The following SRGAP3 variants were observed in gnomAD, a reference collection of about 807,000 sequenced individuals.
SRGAP3 encodes SLIT-ROBO Rho GTPase activating protein 3.
In SRGAP3, 39 loss-of-function variants were observed where a neutral mutation model predicts 121.1. The ratio of observed to expected loss-of-function variants is 0.32; its 90% CI spans 0.25 to 0.42. The LOEUF (loss-of-function observed/expected upper bound fraction) is 0.42. Among genes scored for constraint, SRGAP3 ranks in the 10% least tolerant of loss-of-function variants. The probability of loss-of-function intolerance (pLI) is 1.00; values close to 1 mark genes in which losing one functional copy is unlikely to be tolerated. For missense variants in SRGAP3, 1,213 were observed against 1,470.6 expected (o/e 0.82, Z 2.86); for synonymous variants, 601 against 570.0 (o/e 1.05, Z -0.77).
At chr3:9,350,278 C>A (rs966741775) in intron 1 of SRGAP3, among the ~76,000 whole-genome samples, 2 of 152,122 alleles carry the variant, frequency 1.3e-5, no homozygotes, top group African/African-American at 4.8e-5. Context: ...GAGAACAAAA[C>A]AGATGAAAAT....
intron 1 of SRGAP3, among the ~76,000 whole-genome samples, chr3:9,135,815 C>G (rs969981694): frequency 2.6e-5 from 4 of 152,224 alleles, no homozygotes; most frequent in Non-Finnish European, 4.4e-5. Context: ...GACAGTCAGC[C>G]TAGGCTCCAA....
rs2648541 is a variant in SRGAP3, at chr3:9,355,013, A to G, written n.214+7827T>C. ...AAACGAACATACCATTTTTCTTTGT[A>G]ATAAACCAGAACCATAAAGAGCATA... On this transcript the variant is annotated intron_variant and non_coding_transcript_variant, in intron 1 of 3. Coordinates refer to the SRGAP3 transcript ENST00000490889. 7.7e-3 allele frequency among the ~76,000 whole-genome samples: 1,179 copies of G among 152,284 alleles called. 10 individuals are homozygous for G. The highest frequency in any genetic ancestry group is 0.014 in the Non-Finnish European group (939 of 68,022).
intron 1 of SRGAP3, among the ~76,000 whole-genome samples, chr3:9,209,297 T>G (rs143732129): frequency 1.5e-3 from 222 of 152,246 alleles, no homozygotes; most frequent in African/African-American, 5.0e-3. Flanking sequence ...AATAAAAAAA[T>G]TCACAGTACA....
intron 3 of SRGAP3, among the ~76,000 whole-genome samples, chr3:9,274,232 A>C (rs1205129198): frequency 6.6e-6 from 1 of 152,238 alleles, no homozygotes; most frequent in Non-Finnish European, 1.5e-5. Context: ...TAAGTATTTC[A>C]AGGTGTCCTC....
At chr3:9,161,062 A>G (rs1950583827) in intron 1 of SRGAP3, among the ~76,000 whole-genome samples, 1 of 152,238 alleles carries the variant, frequency 6.6e-6, no homozygotes, top group South Asian at 2.1e-4. Context: ...AAAAATCACC[A>G]TTTGACAAAA....
At position 9,044,202 on chromosome 3, in the gene SRGAP3, T is replaced by A. The variant is rs141292209; in HGVS notation, c.1408+3189A>T. On this transcript the variant is annotated intron_variant, in intron 10 of 21. Transcript: ENST00000383836. ...AACTTGTAGTTTCCTTGAGCCATCC[T>A]GTCAAAAGAGTACAGCAGTCCACGC... 2.0e-5 allele frequency among the ~76,000 whole-genome samples: 3 copies of A among 152,228 alleles called. No individual in the cohort carries two copies. The East Asian group carries it at 5.8e-4, about 29-fold the overall frequency.
intron 3 of SRGAP3, among the ~76,000 whole-genome samples, chr3:9,090,568 G>A (rs1947711111): frequency 6.6e-6 from 1 of 152,148 alleles, no homozygotes; most frequent in Admixed American, 6.5e-5. Context: ...ATGCTTTTTA[G>A]GGAAAACTCT....
chr3:8,992,884 A>G, intron 20 of SRGAP3, 22 bp downstream of exon 20: 1 of 1,614,130 alleles, frequency 6.2e-7, no homozygotes, highest in Middle Eastern at 1.7e-4. Flanking sequence ...CAGCAGGGAA[A>G]AAATGAATCC....
intron 3 of SRGAP3, among the ~76,000 whole-genome samples, chr3:9,297,127 C>A (rs1305752843): frequency 2.0e-5 from 3 of 152,180 alleles, no homozygotes; most frequent in African/African-American, 7.2e-5. Flanking sequence ...TCAAGCAAAT[C>A]CCTGCTGCCT....
At chr3:9,061,782 G>A (rs1326067346) in intron 5 of SRGAP3, among the ~76,000 whole-genome samples, 1 of 152,128 alleles carries the variant, frequency 6.6e-6, no homozygotes, top group African/African-American at 2.4e-5. Flanking sequence ...GGCAGCCAGA[G>A]CCGCCCATCT....
At position 9,037,952 on chromosome 3, in the gene SRGAP3, T is replaced by A. The variant is rs544219862; in HGVS notation, c.1436+111A>T. 2.1e-6 allele frequency: 3 copies of A among 1,424,368 alleles called. No homozygotes were observed. The African/African-American group carries it at 4.2e-5, about 20-fold the overall frequency. 88.2% of individuals were successfully genotyped at this position (1,424,368 alleles called of 1,614,324 possible). A position where few individuals can be genotyped will look rare whatever the true frequency, so the allele number is the denominator to read the frequency against. On this transcript the variant is annotated intron_variant, in intron 11 of 21. Coordinates refer to ENST00000383836, the MANE Select transcript of SRGAP3 (RefSeq NM_014850.4). ...ACACCCACACCGGCCCTTGGGGACA[T>A]TGGTGAAGAAGCCATCCCTGCTTCT...
At chr3:9,012,951 C>T (rs1405349192) in intron 17 of SRGAP3, among the ~76,000 whole-genome samples, 1 of 152,140 alleles carries the variant, frequency 6.6e-6, no homozygotes, top group Non-Finnish European at 1.5e-5. Flanking sequence ...ATGAAGCCAA[C>T]ACAGAATCAA....
At chr3:9,032,895 C>A in intron 11 of SRGAP3, 143 bp from the exon 12 acceptor site, 1 of 749,334 alleles carries the variant, frequency 1.3e-6, no homozygotes, top group Non-Finnish European at 2.2e-6. Context: ...CATTGGTTTC[C>A]AATGTTCCAT....
chr3:9,314,002 A>G (rs1462678156), intron 3 of SRGAP3, among the ~76,000 whole-genome samples: 1 of 152,266 alleles, frequency 6.6e-6, no homozygotes, highest in Non-Finnish European at 1.5e-5. Context: ...AAAAAGAAAA[A>G]GAAAATAGCT....
chr3:9,279,703 C>T (rs1200637146), intron 3 of SRGAP3, among the ~76,000 whole-genome samples: 1 of 151,742 alleles, frequency 6.6e-6, no homozygotes, highest in Non-Finnish European at 1.5e-5. Flanking sequence ...TTAGTAGAGA[C>T]GGGGTTTCAC....
intron 1 of SRGAP3, among the ~76,000 whole-genome samples, chr3:9,188,364 G>C (rs1951661016): frequency 1.3e-5 from 2 of 152,180 alleles, no homozygotes; most frequent in South Asian, 4.1e-4. Context: ...CACAATTATA[G>C]GTCTTCAAAA....
intron 1 of SRGAP3, among the ~76,000 whole-genome samples, chr3:9,237,757 G>A (rs193052247): frequency 1.3e-5 from 2 of 152,164 alleles, no homozygotes; most frequent in Non-Finnish European, 2.9e-5. Context: ...GGAAAGAGGT[G>A]AGCACAGCGT....
intron 1 of SRGAP3, among the ~76,000 whole-genome samples, chr3:9,203,535 C>A (rs896081726): frequency 5.6e-4 from 85 of 152,336 alleles, no homozygotes; most frequent in African/African-American, 2.0e-3. Context: ...CCTCTACAGC[C>A]CTCAAAGGAG....
rs752057494 is a variant in SRGAP3 at position 9,053,258 on chromosome 3, T to C, written c.1126-34A>G. ...ACACAGCAGATTGACAAAAATCCTG[T>C]ATTCTCATACTGCCGTTGACACCTA... On this transcript the variant is annotated intron_variant, in intron 8 of 21. Transcript: ENST00000383836. 7 of 1,600,296 alleles carry C rather than the reference T, an allele frequency of 4.4e-6. No individual in the cohort carries two copies. The African/African-American group carries it at 5.4e-5, about 12-fold the overall frequency.
Sources: gnomAD v4.1 joint callset for allele counts (sites outside exome capture counted in the v4.1 genomes callset) on GRCh38, gnomAD v4.1.1 for gene constraint, MANE v1.5 for transcripts, NCBI Gene and HGNC (gene_info 2026-07-23, HGNC 2026-07-21) for gene names.